Variants in SHROOM2 observed in about 807,000 individuals in gnomAD.
The protein encoded by SHROOM2 is protein Shroom2.
A neutral mutation model predicts 75.9 loss-of-function variants in SHROOM2; 33 were observed. That is an observed-to-expected ratio of 0.43 (90% CI 0.33 to 0.58). The LOEUF (loss-of-function observed/expected upper bound fraction) is 0.58. Ranked by LOEUF, SHROOM2 falls within the 20% of genes least tolerant of loss-of-function variation. The pLI is 0.04. For missense variants in SHROOM2, 1,434 were observed against 1,461.2 expected, an observed-to-expected ratio of 0.98 and a Z score of 0.30; for synonymous variants, 655 against 663.6, an observed-to-expected ratio of 0.99 and a Z score of 0.20.
intron 1 of SHROOM2, among the ~76,000 whole-genome samples, chrX:9,838,218 G>T (rs1306699841): frequency 9.2e-6 from 1 of 109,057 alleles, no homozygotes; most frequent in Non-Finnish European, 1.9e-5. Context: ...CCGCCACCAC[G>T]CCCGGCTAAT....
chrX:9,922,891 G>C (rs935921525), intron 5 of SHROOM2, among the ~76,000 whole-genome samples: 2 of 111,667 alleles, frequency 1.8e-5, no homozygotes, highest in African/African-American at 6.5e-5. Context: ...CTTTTGATGA[G>C]GGACGTGTGT....
intron 1 of SHROOM2, among the ~76,000 whole-genome samples, chrX:9,850,594 T>C (rs1282010449): frequency 9.0e-6 from 1 of 111,358 alleles, no homozygotes; most frequent in Non-Finnish European, 1.9e-5. Context: ...ATCCCAGCAC[T>C]TTGGGAGGCC....
chrX:9,875,349 A>G (rs1295621551), intron 2 of SHROOM2, among the ~76,000 whole-genome samples: 1 of 110,405 alleles, frequency 9.1e-6, no homozygotes, highest in East Asian at 2.8e-4. Context: ...TTCTTACACG[A>G]TTCAGTTAAC....
At chrX:9,801,900 G>A (rs1449458193) in intron 1 of SHROOM2, among the ~76,000 whole-genome samples, 1 of 111,256 alleles carries the variant, frequency 9.0e-6, no homozygotes, top group Non-Finnish European at 1.9e-5. Context: ...AGGCTGCGGT[G>A]AGCTGTGATT....
chrX:9,812,409 G>A (rs903939259), intron 1 of SHROOM2, among the ~76,000 whole-genome samples: 1 of 111,932 alleles, frequency 8.9e-6, no homozygotes, highest in Non-Finnish European at 1.9e-5. Context: ...CCCAAATGAG[G>A]TGTTGCCTCC....
intron 1 of SHROOM2, among the ~76,000 whole-genome samples, chrX:9,829,214 G>A (rs1011732214): frequency 9.0e-6 from 1 of 111,436 alleles, no homozygotes; most frequent in African/African-American, 3.3e-5. Context: ...AGTAGAGGCG[G>A]GGTTTCACCA....
chrX:9,863,418 G>A lies in SHROOM2; in HGVS notation c.166-10234G>A, dbSNP rs758834962. 2.7e-5 allele frequency among the ~76,000 whole-genome samples: 3 copies of A among 110,446 alleles called. No homozygotes were observed. In the South Asian group the frequency reaches 1.2e-3, roughly 43 times the overall value. ...TGGCTTTGTCACCTGGTGCAGCCACGTCCTCGTCCTCTCCTCATGCCTCAT... is the reference window on the plus strand; with the variant it reads ...TGGCTTTGTCACCTGGTGCAGCCACATCCTCGTCCTCTCCTCATGCCTCAT... On this transcript the variant is annotated intron_variant, in intron 1 of 9. Transcript: ENST00000380913.
rs1389275519 is a variant in SHROOM2, at chrX:9,937,142, G to A, written c.3596G>A (p.Arg1199Gln). Residue 1199 changes from arginine to glutamine, a missense_variant, in exon 7 of 10, where the codon CGG becomes CAG. Arg to Gln is a conservative substitution (Grantham distance 43). Transcript: ENST00000380913. ...GACTGTTCATCTTCCAGAATTGAGC[G>A]GGTGATGGACAACAACACCACGGTG... The part of the protein sequence containing the change: ...IQDEDSTRIE[R>Q]VMDNNTTVKM... 12 of 1,190,460 alleles carry A rather than the reference G, an allele frequency of 1.0e-5. No homozygotes were observed. The highest frequency in any genetic ancestry group is 7.0e-5 in the Admixed American group (3 of 43,097).
At chrX:9,914,961 G>A (rs1156372091) in intron 5 of SHROOM2, among the ~76,000 whole-genome samples, 1 of 111,463 alleles carries the variant, frequency 9.0e-6, no homozygotes, top group Non-Finnish European at 1.9e-5. Flanking sequence ...GCAGTGAGAA[G>A]GAATTTCAGT....
intron 2 of SHROOM2, among the ~76,000 whole-genome samples, chrX:9,883,568 T>C (rs996376825): frequency 4.5e-5 from 5 of 110,717 alleles, no homozygotes; most frequent in African/African-American, 1.6e-4. Context: ...CCAGGGAGCA[T>C]GCTCTGAGAA....
Position 9,896,393 on chromosome X carries a change from C to T in SHROOM2, c.2485C>T (p.Pro829Ser). 2.5e-6 allele frequency: 3 copies of T among 1,212,348 alleles called. No individual in the cohort carries two copies. Among genetic ancestry groups the T allele is most frequent in the Non-Finnish European group, 3.3e-6 (3 of 895,651 alleles). The change falls in exon 4 of 10, where the codon CCG becomes TCG. Residue 829 changes from proline (P) to serine (S), a missense_variant. By Grantham distance (74) the Pro-to-Ser change is moderately conservative. This residue lies in a region of SHROOM2 where 1,340 missense variants were observed against 1,338.3 expected (regional missense o/e 1.00). Coordinates refer to ENST00000380913, the MANE Select transcript of SHROOM2 (RefSeq NM_001649.4). Reference sequence around the variant, plus strand: ...AATCCCGAGAGACAAGCCAGAGAGGCCGCGGACAGCGGGCCGCACATGTGA... The same window carrying T: ...AATCCCGAGAGACAAGCCAGAGAGGTCGCGGACAGCGGGCCGCACATGTGA... The part of the protein sequence containing the change: ...HGIPRDKPER[P>S]RTAGRTCEGT...
intron 1 of SHROOM2, among the ~76,000 whole-genome samples, chrX:9,871,783 AC>A (rs757806024): frequency 9.1e-6 from 1 of 110,383 alleles, no homozygotes; most frequent in African/African-American, 3.3e-5. Flanking sequence ...GCTTCTCCTG[AC>A]CCCCCACCCC....
At position 9,832,205 on chromosome X, in the gene SHROOM2, G is replaced by A. The variant is rs905272661; in HGVS notation, c.166-41447G>A. Among the ~76,000 whole-genome samples, 4 of 112,245 alleles carry A rather than the reference G, an allele frequency of 3.6e-5. 1 individual carries two copies. Among genetic ancestry groups the A allele is most frequent in the East Asian group, 2.8e-4 (1 of 3,533 alleles). ...CCTTGGCAAGACCTGGAGGAGCCAG[G>A]GGTGCCTGTCCAGAGGCAGGGAGCT... On this transcript the variant is annotated intron_variant, in intron 1 of 9. Coordinates refer to ENST00000380913, the MANE Select transcript of SHROOM2 (RefSeq NM_001649.4).
chrX:9,912,257 G>C lies in SHROOM2; in HGVS notation c.2891+13967G>C, dbSNP rs1008481347. ...CACACACACACACACACACATAAAG[G>C]AAGACTGCCCCCCAAGCCTTTTGGG... On this transcript the variant is annotated intron_variant, in intron 5 of 9. Coordinates refer to ENST00000380913, the MANE Select transcript of SHROOM2 (RefSeq NM_001649.4). 7.7e-3 allele frequency among the ~76,000 whole-genome samples: 661 copies of C among 85,810 alleles called. 17 individuals are homozygous for C. Among genetic ancestry groups the C allele is most frequent in the African/African-American group, 0.028 (624 of 22,317 alleles). 74.5% of individuals were successfully genotyped at this position (85,810 alleles called of 115,157 possible).
chrX:9,793,525 A>G (rs1471331376), intron 1 of SHROOM2, among the ~76,000 whole-genome samples: 1 of 110,173 alleles, frequency 9.1e-6, no homozygotes, highest in Non-Finnish European at 1.9e-5. Flanking sequence ...CTTGGCCTCA[A>G]GTGATCTGTC....
chrX:9,786,567 G>A lies in SHROOM2; in HGVS notation c.22G>A (p.Ala8Thr). 1.2e-6 allele frequency: 1 copy of A among 857,544 alleles called. No homozygotes were observed. Among genetic ancestry groups the A allele is most frequent in the Non-Finnish European group, 1.4e-6 (1 of 705,075 alleles). 70.7% of individuals were successfully genotyped at this position (857,544 alleles called of 1,213,427 possible). ...CGCCATGGAGGGCGCCGAGCCCCGCGCGCGGCCCGAGCGCCTGGCCGAGGC... is the reference window on the plus strand; with the variant it reads ...CGCCATGGAGGGCGCCGAGCCCCGCACGCGGCCCGAGCGCCTGGCCGAGGC... Reference protein sequence around the residue: MEGAEPRARPERLAEAET... With the variant: MEGAEPRTRPERLAEAET... The change falls in exon 1 of 10, where the codon GCG (alanine) becomes ACG (threonine). Residue 8 changes from alanine to threonine, a missense_variant. Physicochemically the swap from Ala to Thr is moderately conservative, Grantham distance 58. Transcript: ENST00000380913.
chrX:9,807,834 C>G (rs2083763543), intron 1 of SHROOM2, among the ~76,000 whole-genome samples: 1 of 112,038 alleles, frequency 8.9e-6, no homozygotes, highest in South Asian at 3.8e-4. Context: ...CCGCCCTAGG[C>G]TGCCAGGCTC....
chrX:9,828,790 T>C (rs761557923), intron 1 of SHROOM2, among the ~76,000 whole-genome samples: 1 of 111,617 alleles, frequency 9.0e-6, no homozygotes, highest in Non-Finnish European at 1.9e-5. Context: ...TCTGTCTATC[T>C]GTCTCTTCAT....
Position 9,946,790 on chromosome X carries a change from C to T in SHROOM2, c.4704C>T (p.Ser1568=), listed in dbSNP as rs759335793. ...IVFDILANYL[S]EESLADYEHF... ...TTGACATTTTGGCCAACTATCTGAG[C>T]GAGGAGAGCCTCGCGGACTATGAGC... The change falls in exon 10 of 10, where the codon AGC becomes AGT. Residue 1568 remains serine, a synonymous_variant. Coordinates refer to ENST00000380913, the MANE Select transcript of SHROOM2 (RefSeq NM_001649.4). The T allele has an allele frequency of 6.6e-6, 8 of 1,204,940 alleles. No homozygotes were observed. The highest frequency in any genetic ancestry group is 5.4e-5 in the South Asian group (3 of 55,644).
Sources: gnomAD v4.1 joint callset for allele counts (sites outside exome capture counted in the v4.1 genomes callset) on GRCh38, gnomAD v4.1.1 for gene constraint, gnomAD v4.1.1 regional missense constraint, MANE v1.5 for transcripts, NCBI Gene and HGNC (gene_info 2026-07-23, HGNC 2026-07-21) for gene names.